Variants in ACOT12 observed in about 807,000 individuals in gnomAD.
ACOT12 encodes acetyl-coenzyme A thioesterase.
In ACOT12, 51 loss-of-function variants were observed where a neutral mutation model predicts 67.7. The observed-to-expected ratio is 0.75, with a 90% CI of 0.60 to 0.95. The LOEUF is 0.95. Ranked by LOEUF, ACOT12 falls within the 40% of genes least tolerant of loss-of-function variation. ACOT12 has a pLI of 0.00. For missense variants in ACOT12, 734 were observed against 708.1 expected, an observed-to-expected ratio of 1.04 and a Z score of -0.41; for synonymous variants, 251 against 244.6, an observed-to-expected ratio of 1.03 and a Z score of -0.24.
At chr5:81,344,308 T>A in intron 8 of ACOT12, 93 bp from the exon 9 acceptor site, 1 of 1,246,810 alleles carries the variant, frequency 8.0e-7, no homozygotes, top group Non-Finnish European at 1.1e-6. Context: ...CCTAAATCAG[T>A]CAAAAGGGCT....
chr5:81,313,941 G>A, the ACOT12 span, among the ~76,000 whole-genome samples: 2 of 152,180 alleles, frequency 1.3e-5, no homozygotes, highest in African/African-American at 4.8e-5. Context: ...CAGTAATGCT[G>A]CCTTAGTCAT....
chr5:81,330,872 C>CACAG lies in ACOT12; in HGVS notation c.1459_1460insCTGT (p.Arg487ThrfsTer4). ...AAATCCGGCACATATGATTTCACTT[C>CACAG]TGATGTACTGTGGAGACGGGGGGAC... is the stretch of plus-strand genomic sequence containing the variant. On this transcript the variant is annotated frameshift_variant, in exon 14 of 15. Transcript: ENST00000307624. LOFTEE classifies it high-confidence loss of function. 3 of 1,614,044 alleles carry CACAG rather than the reference C, an allele frequency of 1.9e-6. No homozygotes were observed. Among genetic ancestry groups the CACAG allele is most frequent in the Non-Finnish European group, 2.5e-6 (3 of 1,179,960 alleles).
intron 12 of ACOT12, 116 bp from the exon 13 acceptor site, chr5:81,332,721 C>A: frequency 8.2e-7 from 1 of 1,225,098 alleles, no homozygotes. Context: ...TTCAGCTCAC[C>A]TAATCATCTC....
chr5:81,345,914 A>G lies in ACOT12; in HGVS notation c.744T>C (p.Thr248=). The G allele has an allele frequency of 6.2e-7, 1 of 1,614,016 alleles. No homozygotes were observed. Among genetic ancestry groups the G allele is most frequent in the Non-Finnish European group, 8.5e-7 (1 of 1,179,934 alleles). The change falls in exon 7 of 15, where the codon ACT becomes ACC. Residue 248 remains threonine (T), a synonymous_variant. Coordinates refer to ENST00000307624, the MANE Select transcript of ACOT12 (RefSeq NM_130767.3). ...PSTVGDRLVF[T]AIVNNTFQTC... is the part of the protein sequence containing the mutation. ...TCTGAAATGTATTGTTGACAATGGC[A>G]GTGAAGACAAGACGATCTCCAACTG...
intron 5 of ACOT12, among the ~76,000 whole-genome samples, chr5:81,353,143 C>T (rs1444711792): frequency 6.6e-6 from 1 of 152,140 alleles, no homozygotes; most frequent in Non-Finnish European, 1.5e-5. Flanking sequence ...CCTATGAAGA[C>T]ATATACAGTA....
At chr5:81,355,374 T>C (rs1463914305) in intron 5 of ACOT12, among the ~76,000 whole-genome samples, 1 of 152,204 alleles carries the variant, frequency 6.6e-6, no homozygotes, top group Non-Finnish European at 1.5e-5. Context: ...TACAGTACTA[T>C]TCAGCATAAC....
At chr5:81,370,248 T>TG (rs1411194924) in intron 3 of ACOT12, among the ~76,000 whole-genome samples, 5 of 152,088 alleles carry the variant, frequency 3.3e-5, no homozygotes, top group African/African-American at 4.8e-5. Context: ...CACTCCAGCC[T>TG]GGCAACAGAG....
rs757518502 is a variant in ACOT12, at chr5:81,359,940, G to T, written c.459C>A (p.Thr153=). 3 of 1,611,320 alleles carry T rather than the reference G, an allele frequency of 1.9e-6. No homozygotes were observed. In the African/African-American group the frequency reaches 4.0e-5, roughly 22 times the overall value. Residue 153 remains threonine, a synonymous_variant, in exon 5 of 15, where the codon ACC becomes ACA. Coordinates refer to ENST00000307624, the MANE Select transcript of ACOT12 (RefSeq NM_130767.3). Reference sequence around the variant, plus strand: ...TACTTTCCTTCATTAAATTGTTAAAGGTATCTTCATGTTGTAATCGAACTT... The same window carrying T: ...TACTTTCCTTCATTAAATTGTTAAATGTATCTTCATGTTGTAATCGAACTT... ...RRKVRLQHED[T]FNNLMKESSK...
chr5:81,379,203 C>T (rs1290300029), intron 2 of ACOT12, among the ~76,000 whole-genome samples: 3 of 151,874 alleles, frequency 2.0e-5, no homozygotes, highest in Non-Finnish European at 4.4e-5. Flanking sequence ...AGCTGGAAAC[C>T]GTCATTCTCA....
chr5:81,339,763 C>T (rs148677222), intron 11 of ACOT12, among the ~76,000 whole-genome samples: 1 of 152,310 alleles, frequency 6.6e-6, no homozygotes, highest in Non-Finnish European at 1.5e-5. Context: ...TGTATTACTA[C>T]TACAATTAAT....
In ACOT12 at chr5:81,367,401, G is replaced by T. The variant is rs181474076; in HGVS notation, c.259-3512C>A. Among the ~76,000 whole-genome samples, 53 of 152,168 alleles carry T rather than the reference G, an allele frequency of 3.5e-4. 1 individual carries two copies. Among genetic ancestry groups the T allele is most frequent in the Admixed American group, 3.0e-3 (46 of 15,284 alleles). ...CCTCCTACATATGTGCATGTAAAAG[G>T]CATGACAATAACGGCACAAAGGCTG... On this transcript the variant is annotated intron_variant, in intron 3 of 14. Transcript: ENST00000307624.
chr5:81,344,843 TC>T (rs1759322790), intron 8 of ACOT12, 47 bp downstream of exon 8: 2 of 1,604,334 alleles, frequency 1.2e-6, no homozygotes, highest in Admixed American at 3.3e-5. Context: ...TAGGTAGAGC[TC>T]TCTATTCACA....
At chr5:81,315,741 A>C in the ACOT12 span, among the ~76,000 whole-genome samples, 1 of 152,170 alleles carries the variant, frequency 6.6e-6, no homozygotes, top group Non-Finnish European at 1.5e-5. Context: ...TGAGTTTGCC[A>C]TATGTGAGGG....
chr5:81,323,926 A>T, the ACOT12 span, among the ~76,000 whole-genome samples: 1 of 137,128 alleles, frequency 7.3e-6, no homozygotes, highest in African/African-American at 2.6e-5. Context: ...ATACGTGTAT[A>T]TATACATATA....
chr5:81,386,060 A>G (rs1315658475), intron 1 of ACOT12, among the ~76,000 whole-genome samples: 1 of 152,230 alleles, frequency 6.6e-6, no homozygotes, highest in Non-Finnish European at 1.5e-5. Context: ...TTTTTAACTT[A>G]CATGGTCTTG....
At chr5:81,353,383 G>T (rs575889017) in intron 5 of ACOT12, among the ~76,000 whole-genome samples, 2 of 152,286 alleles carry the variant, frequency 1.3e-5, no homozygotes, top group East Asian at 3.9e-4. Flanking sequence ...CTTTCTGCTG[G>T]CTTTGAGTGA....
intron 2 of ACOT12, among the ~76,000 whole-genome samples, chr5:81,377,641 G>A (rs1340317975): frequency 2.0e-5 from 3 of 152,174 alleles, no homozygotes; most frequent in African/African-American, 4.8e-5. Flanking sequence ...CTTCAGCAAA[G>A]TCTCAAGATA....
the ACOT12 span, among the ~76,000 whole-genome samples, chr5:81,319,539 GAAACCCCGTATCTACTAA>G: frequency 6.6e-6 from 1 of 152,112 alleles, no homozygotes; most frequent in Non-Finnish European, 1.5e-5. Flanking sequence ...CCAACATGGA[GAAACCCCGTATCTACTAA>G]AAATACAAAA....
At chr5:81,318,825 T>G in the ACOT12 span, among the ~76,000 whole-genome samples, 23 of 152,228 alleles carry the variant, frequency 1.5e-4, no homozygotes, top group Non-Finnish European at 2.8e-4. Flanking sequence ...TGGGGCTGTT[T>G]GCACTAAATA....
Sources: allele counts gnomAD v4.1 joint callset (sites outside exome capture counted in the v4.1 genomes callset), GRCh38; gene constraint gnomAD v4.1.1; transcripts MANE v1.5; gene names NCBI Gene and HGNC (gene_info 2026-07-23, HGNC 2026-07-21).